ETV1: variants seen among roughly 807,000 people sequenced by gnomAD.
ETV1 encodes ETS variant transcription factor 1.
A neutral mutation model predicts 62.3 loss-of-function variants in ETV1; 27 were observed. The observed-to-expected ratio is 0.43, with a 90% CI of 0.32 to 0.60. The LOEUF is 0.60. Ranked by LOEUF, ETV1 falls within the 20% of genes least tolerant of loss-of-function variation. ETV1 has a pLI of 0.06. For synonymous variants in ETV1, 222 were observed against 199.6 expected, an observed-to-expected ratio of 1.11 and a Z score of -0.94; for missense variants, 605 against 605.8, an observed-to-expected ratio of 1.00 and a Z score of 0.01.
intron 6 of ETV1, among the ~76,000 whole-genome samples, chr7:13,964,732 A>G (rs1002502049): frequency 6.7e-6 from 1 of 148,990 alleles, no homozygotes; most frequent in African/African-American, 2.6e-5. Flanking sequence ...CTGGAATAAG[A>G]TACTGGAATA....
intron 13 of ETV1, among the ~76,000 whole-genome samples, chr7:13,897,356 G>A (rs750236318): frequency 2.6e-5 from 4 of 152,140 alleles, no homozygotes; most frequent in Non-Finnish European, 4.4e-5. Flanking sequence ...ATATCTTTGA[G>A]GGAAAAGTAA....
intron 11 of ETV1, among the ~76,000 whole-genome samples, chr7:13,908,241 G>A (rs977343124): frequency 3.3e-5 from 5 of 152,052 alleles, no homozygotes; most frequent in East Asian, 3.9e-4. Context: ...TTTAAAAGTC[G>A]AAGGGAATAA....
rs560428651 is a variant in ETV1 at position 13,909,058 on chromosome 7, A to G, written c.940+574T>C. ...CTGCATTGCAATAGCAAGTGATATT[A>G]AAAAGGTAATGCTTTCCTAACTCCC... On this transcript the variant is annotated intron_variant, in intron 11 of 13. Coordinates refer to ENST00000430479, the MANE Select transcript of ETV1 (RefSeq NM_004956.5). Among the ~76,000 whole-genome samples the G allele has an allele frequency of 1.1e-3, 174 of 151,718 alleles. 1 individual carries two copies. Among genetic ancestry groups the G allele is most frequent in the African/African-American group, 4.0e-3 (166 of 41,182 alleles).
intron 8 of ETV1, among the ~76,000 whole-genome samples, chr7:13,932,992 T>C (rs1786368219): frequency 6.6e-6 from 1 of 152,088 alleles, no homozygotes; most frequent in Non-Finnish European, 1.5e-5. Context: ...CTGCAGAAAA[T>C]AAACTTAGAA....
intron 6 of ETV1, among the ~76,000 whole-genome samples, chr7:13,963,341 T>C (rs1294896478): frequency 6.6e-6 from 1 of 152,094 alleles, no homozygotes; most frequent in Admixed American, 6.6e-5. Flanking sequence ...ACAAGCTGCA[T>C]GTTACCAAAA....
intron 6 of ETV1, among the ~76,000 whole-genome samples, chr7:13,946,879 C>T (rs1788227023): frequency 6.6e-6 from 1 of 152,206 alleles, no homozygotes. Flanking sequence ...ACCCCTGCCT[C>T]GCGGGTTCAA....
intron 11 of ETV1, chr7:13,907,845 C>A: frequency 2.1e-6 from 1 of 470,504 alleles, no homozygotes; most frequent in Non-Finnish European, 4.4e-6. Flanking sequence ...GAAAGGGCAA[C>A]ATTTGAAAAA....
intron 6 of ETV1, among the ~76,000 whole-genome samples, chr7:13,968,125 G>A (rs757710887): frequency 6.6e-6 from 1 of 151,988 alleles, no homozygotes; most frequent in Non-Finnish European, 1.5e-5. Context: ...AGAAGGTATA[G>A]ATCACTTTCT....
At chr7:13,988,807 A>T (rs1782805105) in intron 3 of ETV1, 2 of 1,605,588 alleles carry the variant, frequency 1.2e-6, no homozygotes, top group African/African-American at 1.3e-5. Flanking sequence ...TAAAAACAAA[A>T]CTATGCCTTA....
intron 6 of ETV1, among the ~76,000 whole-genome samples, chr7:13,957,399 T>C (rs1290761024): frequency 6.6e-6 from 1 of 152,198 alleles, no homozygotes; most frequent in Non-Finnish European, 1.5e-5. Flanking sequence ...CCTTTTGAGA[T>C]GCTTAGATGG....
At chr7:13,896,377 A>T (rs2128399789) in intron 13 of ETV1, among the ~76,000 whole-genome samples, 1 of 152,268 alleles carries the variant, frequency 6.6e-6, no homozygotes, top group South Asian at 2.1e-4. Flanking sequence ...TATAGAGGTA[A>T]ACTTACATCG....
At chr7:13,901,523 A>G (rs1782426954) in intron 12 of ETV1, among the ~76,000 whole-genome samples, 1 of 150,896 alleles carries the variant, frequency 6.6e-6, no homozygotes, top group Non-Finnish European at 1.5e-5. Context: ...AACTATAGAT[A>G]AAGAGCAGCT....
chr7:13,939,425 C>T (rs1486793514), intron 6 of ETV1, among the ~76,000 whole-genome samples, 179 bp from the exon 7 acceptor site: 1 of 152,122 alleles, frequency 6.6e-6, no homozygotes, highest in African/African-American at 2.4e-5. Context: ...TTCATATACG[C>T]CTTTTCTGCC....
At chr7:13,985,897 AT>A (rs1284491618) in intron 5 of ETV1, among the ~76,000 whole-genome samples, 2 of 152,248 alleles carry the variant, frequency 1.3e-5, no homozygotes, top group Non-Finnish European at 2.9e-5. Context: ...GATATAACAG[AT>A]TGCACCACAA....
intron 9 of ETV1, among the ~76,000 whole-genome samples, chr7:13,923,430 G>C (rs1229535683): frequency 1.3e-5 from 2 of 152,134 alleles, no homozygotes; most frequent in Non-Finnish European, 2.9e-5. Context: ...AGAAACCCAA[G>C]AGTATTTAAA....
In ETV1 at chr7:13,895,770, T is replaced by C. The variant is rs1781708777; in HGVS notation, c.*96A>G. 4 of 842,152 alleles carry C rather than the reference T, an allele frequency of 4.7e-6. No individual in the cohort carries two copies. In the East Asian group the frequency reaches 8.0e-5, roughly 17 times the overall value. The allele number at this position is 842,152 out of a possible 1,614,324, so 52.2% of individuals were successfully genotyped here. ...TGTGTATTATTATTTAAAAATAAAA[T>C]ACAAACAACAGAAATAAAACAAAGA... On this transcript the variant is annotated 3_prime_UTR_variant, in exon 14 of 14. Transcript: ENST00000430479.
Position 13,895,685 on chromosome 7 carries a change from CAAAT to C in ETV1, c.*177_*180del. 1 of 583,268 alleles carries C rather than the reference CAAAT, an allele frequency of 1.7e-6. No homozygotes were observed. The highest frequency in any genetic ancestry group is 3.0e-6 in the Non-Finnish European group (1 of 328,414). 36.1% of individuals were successfully genotyped at this position (583,268 alleles called of 1,614,324 possible). Reference sequence around the variant, plus strand: ...TGTTTAGATTACTCCCACCCACCCTCAAATAAAGTGCACAGTCCATGGCAGACCA... The same window carrying C: ...TGTTTAGATTACTCCCACCCACCCTCAAAGTGCACAGTCCATGGCAGACCA... On this transcript the variant is annotated 3_prime_UTR_variant, in exon 14 of 14. Coordinates refer to ENST00000430479, the MANE Select transcript of ETV1 (RefSeq NM_004956.5).
chr7:13,896,760 G>GA (rs755277149), intron 13 of ETV1, among the ~76,000 whole-genome samples: 1 of 130,358 alleles, frequency 7.7e-6, no homozygotes, highest in Non-Finnish European at 1.6e-5. Flanking sequence ...AAGAAAGAAA[G>GA]AAAGAAAGAA....
intron 6 of ETV1, among the ~76,000 whole-genome samples, chr7:13,961,642 T>C (rs768157494): frequency 6.6e-6 from 1 of 152,116 alleles, no homozygotes; most frequent in Non-Finnish European, 1.5e-5. Flanking sequence ...AAAAAAAACA[T>C]TGAGGATAGA....
Sources: gnomAD v4.1 joint callset for allele counts (sites outside exome capture counted in the v4.1 genomes callset) on GRCh38, gnomAD v4.1.1 for gene constraint, MANE v1.5 for transcripts, NCBI Gene and HGNC (gene_info 2026-07-23, HGNC 2026-07-21) for gene names.